The following SORCS3 variants were observed in gnomAD, a reference collection of about 807,000 sequenced individuals.
SORCS3 encodes VPS10 domain-containing receptor SorCS3.
A neutral mutation model predicts 146.3 loss-of-function variants in SORCS3; 57 were observed. The observed-to-expected ratio is 0.39, with a 90% CI of 0.31 to 0.49. The LOEUF (loss-of-function observed/expected upper bound fraction) is 0.49. SORCS3 is among the 20% of genes least tolerant of loss of function. The pLI is 0.92. For missense variants in SORCS3, 1,341 were observed against 1,575.5 expected (o/e 0.85, Z 2.52); for synonymous variants, 653 against 618.5 (o/e 1.06, Z -0.83).
intron 1 of SORCS3, among the ~76,000 whole-genome samples, chr10:104,834,046 C>T (rs980408716): frequency 6.6e-6 from 1 of 152,102 alleles, no homozygotes; most frequent in Non-Finnish European, 1.5e-5. Context: ...GTCAGCAAAT[C>T]TCCTTGGCTC....
At chr10:104,667,739 G>A (rs1233864099) in intron 1 of SORCS3, among the ~76,000 whole-genome samples, 2 of 152,154 alleles carry the variant, frequency 1.3e-5, no homozygotes, top group Non-Finnish European at 2.9e-5. Flanking sequence ...GTTTGCATAG[G>A]TTCATTATGA....
chr10:105,146,002 T>C (rs1479269836), intron 8 of SORCS3, among the ~76,000 whole-genome samples: 1 of 152,034 alleles, frequency 6.6e-6, no homozygotes, highest in African/African-American at 2.4e-5. Context: ...GAAAGGTTGG[T>C]CAAACACAGT....
chr10:104,876,199 A>T (rs2018569588), intron 2 of SORCS3, among the ~76,000 whole-genome samples: 1 of 152,174 alleles, frequency 6.6e-6, no homozygotes, highest in African/African-American at 2.4e-5. Flanking sequence ...TTCCTGAAAG[A>T]GATTTATTCT....
intron 13 of SORCS3, among the ~76,000 whole-genome samples, chr10:105,168,597 T>C (rs1004354659): frequency 6.6e-6 from 1 of 152,072 alleles, no homozygotes; most frequent in African/African-American, 2.4e-5. Context: ...GATAAACAAG[T>C]TTAGAGTAAG....
chr10:104,664,841 AG>A (rs1380103476), intron 1 of SORCS3: 1 of 152,372 alleles, frequency 6.6e-6, no homozygotes, highest in Non-Finnish European at 1.5e-5. Context: ...TAAAGGAGGA[AG>A]GAACTCCTTC....
At chr10:105,199,600 G>A (rs1412900184) in intron 14 of SORCS3, among the ~76,000 whole-genome samples, 1 of 152,132 alleles carries the variant, frequency 6.6e-6, no homozygotes, top group East Asian at 1.9e-4. Flanking sequence ...ATGGACATGG[G>A]TAGGCAAAAT....
intron 3 of SORCS3, among the ~76,000 whole-genome samples, chr10:104,946,162 T>C (rs768008279): frequency 1.3e-5 from 2 of 151,832 alleles, no homozygotes; most frequent in African/African-American, 2.4e-5. Flanking sequence ...GCACAATAAA[T>C]GACAGGTGGT....
chr10:104,936,456 T>C (rs1474829031), intron 3 of SORCS3, among the ~76,000 whole-genome samples: 1 of 152,144 alleles, frequency 6.6e-6, no homozygotes, highest in Admixed American at 6.5e-5. Context: ...GGATTTCAAC[T>C]TGAGTGGCTG....
intron 5 of SORCS3, 139 bp downstream of exon 5, chr10:105,043,267 T>C: frequency 1.4e-6 from 1 of 716,118 alleles, no homozygotes; most frequent in East Asian, 2.6e-5. Flanking sequence ...GTTTGTAGAA[T>C]AGCAGCATCA....
intron 2 of SORCS3, among the ~76,000 whole-genome samples, chr10:104,887,967 C>G (rs79901978): frequency 0.37 from 11,914 of 31,988 alleles, 2,634 homozygotes; most frequent in African/African-American, 0.62. Context: ...GGCGGGGGGG[C>G]GGGGGCGGAG....
intron 1 of SORCS3, among the ~76,000 whole-genome samples, chr10:104,789,593 G>T (rs1227488233): frequency 6.6e-6 from 1 of 152,152 alleles, no homozygotes; most frequent in South Asian, 2.1e-4. Context: ...TTCTCAGGAT[G>T]TAGTTCTCTG....
At chr10:104,726,044 A>G (rs144226615) in intron 1 of SORCS3, among the ~76,000 whole-genome samples, 2 of 152,208 alleles carry the variant, frequency 1.3e-5, no homozygotes, top group East Asian at 3.9e-4. Flanking sequence ...GGAAATGCAG[A>G]AATCACCTGT....
intron 7 of SORCS3, among the ~76,000 whole-genome samples, chr10:105,130,807 A>G (rs1462282922): frequency 6.6e-6 from 1 of 152,190 alleles, no homozygotes; most frequent in African/African-American, 2.4e-5. Flanking sequence ...CCTCAAGGAC[A>G]TAAAATGAGC....
At position 104,804,209 on chromosome 10, in the gene SORCS3, T is replaced by G. The variant is rs1589505324; in HGVS notation, c.628-38583T>G. On this transcript the variant is annotated intron_variant, in intron 1 of 26. Transcript: ENST00000369701. ...ATGAGCATCTCTAGAATGCGAATTT[T>G]GAAGATGAGGAGGCAGGTGCTTTGC... 2.0e-5 allele frequency among the ~76,000 whole-genome samples: 3 copies of G among 152,248 alleles called. No homozygotes were observed. The East Asian group carries it at 5.8e-4, about 29-fold the overall frequency.
intron 6 of SORCS3, among the ~76,000 whole-genome samples, chr10:105,103,617 T>A (rs2055801570): frequency 6.6e-6 from 1 of 152,118 alleles, no homozygotes; most frequent in Non-Finnish European, 1.5e-5. Context: ...AGAGGCAGAA[T>A]TGTCAAGGAT....
chr10:104,734,777 G>T (rs1481103433), intron 1 of SORCS3, among the ~76,000 whole-genome samples: 1 of 152,182 alleles, frequency 6.6e-6, no homozygotes, highest in Non-Finnish European at 1.5e-5. Context: ...TTTGGGTGGA[G>T]CTAGCCAGAC....
chr10:104,681,645 G>C (rs1219624502), intron 1 of SORCS3, among the ~76,000 whole-genome samples: 1 of 152,144 alleles, frequency 6.6e-6, no homozygotes, highest in Non-Finnish European at 1.5e-5. Flanking sequence ...GTTGAAGCCA[G>C]AGTCTTTCCC....
At chr10:104,753,349 A>G (rs1208459992) in intron 1 of SORCS3, among the ~76,000 whole-genome samples, 3 of 152,206 alleles carry the variant, frequency 2.0e-5, no homozygotes, top group Admixed American at 6.5e-5. Context: ...TGTTCGTGTC[A>G]AGAAATATAA....
intron 20 of SORCS3, among the ~76,000 whole-genome samples, chr10:105,238,724 A>G (rs1461064488): frequency 6.6e-6 from 1 of 152,250 alleles, no homozygotes; most frequent in Non-Finnish European, 1.5e-5. Flanking sequence ...GTAATACTTT[A>G]GACAGATACT....
Sources: gnomAD v4.1 joint callset for allele counts (sites outside exome capture counted in the v4.1 genomes callset) on GRCh38, gnomAD v4.1.1 for gene constraint, MANE v1.5 for transcripts, NCBI Gene and HGNC (gene_info 2026-07-23, HGNC 2026-07-21) for gene names.